The following EGFR variants were observed in gnomAD, a reference collection of about 807,000 sequenced individuals.
EGFR encodes avian erythroblastic leukemia viral (v-erb-b) oncogene homolog.
In EGFR, 58 loss-of-function variants were observed where a neutral mutation model predicts 143.0. The ratio of observed to expected loss-of-function variants is 0.41; its 90% CI spans 0.33 to 0.50. The LOEUF is 0.50. Ranked by LOEUF, EGFR falls within the 20% of genes least tolerant of loss-of-function variation. The probability of loss-of-function intolerance (pLI) is 0.39; values close to 1 mark genes in which losing one functional copy is unlikely to be tolerated. For synonymous variants in EGFR, 613 were observed against 594.4 expected, an observed-to-expected ratio of 1.03 and a Z score of -0.45; for missense variants, 1,307 against 1,579.0, an observed-to-expected ratio of 0.83 and a Z score of 2.92.
At chr7:55,059,544 A>G (rs1276161403) in intron 1 of EGFR, among the ~76,000 whole-genome samples, 1 of 152,102 alleles carries the variant, frequency 6.6e-6, no homozygotes, top group Non-Finnish European at 1.5e-5. Context: ...GGACAAATCT[A>G]TAATGACATG....
At chr7:55,100,749 C>T (rs1480339364) in intron 1 of EGFR, among the ~76,000 whole-genome samples, 2 of 152,204 alleles carry the variant, frequency 1.3e-5, no homozygotes, top group African/African-American at 4.8e-5. Context: ...CTGAGCCACT[C>T]GGAGGCTCTA....
At chr7:55,194,410 T>G (rs1001429776) in intron 22 of EGFR, among the ~76,000 whole-genome samples, 1 of 151,930 alleles carries the variant, frequency 6.6e-6, no homozygotes, top group African/African-American at 2.4e-5. Flanking sequence ...GTATCTCTAG[T>G]TGAGACAGGG....
chr7:55,039,864 G>C lies in EGFR; in HGVS notation c.88+20499G>C, dbSNP rs528382945. Among the ~76,000 whole-genome samples the C allele has an allele frequency of 3.5e-4, 54 of 152,236 alleles. No homozygotes were observed. In the South Asian group the frequency reaches 0.011, roughly 31 times the overall value. On this transcript the variant is annotated intron_variant, in intron 1 of 27. Transcript: ENST00000275493. Reference sequence around the variant, plus strand: ...TGAGGGAGCGCTGGGGAGAGAAATGGGGTCCTCTTTGAGTTTCCTCTGTGC... The same window carrying C: ...TGAGGGAGCGCTGGGGAGAGAAATGCGGTCCTCTTTGAGTTTCCTCTGTGC...
At chr7:55,191,525 T>A (rs1787392863) in intron 20 of EGFR, among the ~76,000 whole-genome samples, 194 bp from the exon 21 acceptor site, 1 of 152,162 alleles carries the variant, frequency 6.6e-6, no homozygotes, top group Admixed American at 6.5e-5. Flanking sequence ...GGAGAAAAGT[T>A]AATGGTCAGC....
intron 1 of EGFR, among the ~76,000 whole-genome samples, chr7:55,113,317 C>T (rs748671112): frequency 2.0e-5 from 3 of 152,200 alleles, no homozygotes; most frequent in Non-Finnish European, 4.4e-5. Context: ...CTACACAGTA[C>T]GCTTTCAGTA....
intron 1 of EGFR, among the ~76,000 whole-genome samples, chr7:55,023,555 G>T (rs1481568708): frequency 6.7e-6 from 1 of 149,926 alleles, no homozygotes; most frequent in Non-Finnish European, 1.5e-5. Context: ...GGAGGCTGAG[G>T]CAGGAGAATT....
chr7:55,143,244 AG>A (rs2128927020), intron 2 of EGFR, 60 bp from the exon 3 acceptor site: 1 of 1,601,010 alleles, frequency 6.2e-7, no homozygotes, highest in East Asian at 2.2e-5. Flanking sequence ...GACCCATTTT[AG>A]ACCTTGAGTT....
At chr7:55,125,517 A>C (rs767069092) in intron 1 of EGFR, among the ~76,000 whole-genome samples, 9 of 152,248 alleles carry the variant, frequency 5.9e-5, no homozygotes, top group Non-Finnish European at 1.3e-4. Context: ...CCCATAAAGC[A>C]AACACATACC....
At chr7:55,125,728 C>T (rs1368116229) in intron 1 of EGFR, among the ~76,000 whole-genome samples, 1 of 152,210 alleles carries the variant, frequency 6.6e-6, no homozygotes, top group Admixed American at 6.5e-5. Flanking sequence ...TTGACCCAGG[C>T]GAAGTCCAGA....
At chr7:55,056,463 T>C (rs769265044) in intron 1 of EGFR, among the ~76,000 whole-genome samples, 1 of 152,272 alleles carries the variant, frequency 6.6e-6, no homozygotes, top group Admixed American at 6.5e-5. Context: ...TAGAACATGA[T>C]AGAATTTTAC....
intron 10 of EGFR, 87 bp downstream of exon 10, chr7:55,156,919 A>G: frequency 6.3e-7 from 1 of 1,593,666 alleles, no homozygotes; most frequent in East Asian, 2.3e-5. Flanking sequence ...TTCCCTTGGA[A>G]TAAAAACATT....
Position 55,201,339 on chromosome 7 carries a change from C to T in EGFR, c.3098C>T (p.Pro1033Leu). 6.2e-7 allele frequency: 1 copy of T among 1,614,144 alleles called. No homozygotes were observed. Among genetic ancestry groups the T allele is most frequent in the Non-Finnish European group, 8.5e-7 (1 of 1,180,036 alleles). Residue 1033 changes from proline to leucine, a missense_variant, in exon 25 of 28, where the codon CCC becomes CTC. Coordinates refer to ENST00000275493, the MANE Select transcript of EGFR (RefSeq NM_005228.5). ...AGCAGCCCCTCCACGTCACGGACTC[C>T]CCTCCTGAGCTCTCTGGTATGAAAT... ...FFSSPSTSRT[P>L]LLSSLSATSN...
rs17289624 is a variant in EGFR, at chr7:55,144,807, G to A, written c.424+1319G>A. 4.3e-4 allele frequency among the ~76,000 whole-genome samples: 66 copies of A among 152,274 alleles called. 1 individual carries two copies. The East Asian group carries it at 0.011, about 25-fold the overall frequency. On this transcript the variant is annotated intron_variant, in intron 3 of 27. Coordinates refer to ENST00000275493, the MANE Select transcript of EGFR (RefSeq NM_005228.5). ...ACCCTCTGGGTTCCTGCCTGGCCCC[G>A]TCCCTCAGCAGCCAGATGGCTCGGG... is the stretch of plus-strand genomic sequence containing the variant.
rs1006920964 is a variant in EGFR, at chr7:55,154,240, A to G, written c.889+88A>G. 4 of 1,596,930 alleles carry G rather than the reference A, an allele frequency of 2.5e-6. No homozygotes were observed. The African/African-American group carries it at 4.0e-5, about 16-fold the overall frequency. ...TGAGCCCTGGAGTATCCCATCTTGG[A>G]GAGTCTTTGGGTGGATGTGTTTGCC... On this transcript the variant is annotated intron_variant, in intron 7 of 27. Transcript: ENST00000275493.
intron 1 of EGFR, among the ~76,000 whole-genome samples, chr7:55,107,307 G>A (rs963494873): frequency 6.6e-6 from 1 of 152,102 alleles, no homozygotes; most frequent in South Asian, 2.1e-4. Context: ...CAAGCAAAAC[G>A]ATCACTCGAA....
At chr7:55,155,786 C>G (rs199822575) in intron 7 of EGFR, 44 bp from the exon 8 acceptor site, 6 of 1,556,740 alleles carry the variant, frequency 3.9e-6, no homozygotes, top group Non-Finnish European at 5.3e-6. Context: ...GCCCGAGCAC[C>G]TGGTGCCACC....
intron 24 of EGFR, chr7:55,200,641 T>G (rs552179480): frequency 5.0e-6 from 3 of 604,964 alleles, no homozygotes; most frequent in Non-Finnish European, 8.9e-6. Flanking sequence ...GTCTGAACTC[T>G]CCTCTGGTGC....
intron 1 of EGFR, among the ~76,000 whole-genome samples, chr7:55,046,540 C>G (rs1788184851): frequency 6.7e-6 from 1 of 150,282 alleles, no homozygotes; most frequent in Admixed American, 6.7e-5. Context: ...GCCAGTGTTT[C>G]TCGGCTCTGT....
intron 1 of EGFR, among the ~76,000 whole-genome samples, chr7:55,129,882 G>C (rs188883238): frequency 1.3e-4 from 20 of 152,334 alleles, no homozygotes; most frequent in Admixed American, 1.2e-3. Flanking sequence ...CTGACCTCCT[G>C]CTAGGCCTTT....
Sources: gnomAD v4.1 joint callset for allele counts (sites outside exome capture counted in the v4.1 genomes callset) on GRCh38, gnomAD v4.1.1 for gene constraint, MANE v1.5 for transcripts, NCBI Gene and HGNC (gene_info 2026-07-23, HGNC 2026-07-21) for gene names.